PHACTR1: variants seen among roughly 807,000 people sequenced by gnomAD.
PHACTR1 encodes the protein phosphatase and actin regulator 1, also known as RPEL repeat containing 1.
PHACTR1 carries 16 observed loss-of-function variants against 69.2 expected under a neutral mutation model. That is an observed-to-expected ratio of 0.23 (90% CI 0.16 to 0.35). The LOEUF is 0.35. Ranked by LOEUF, PHACTR1 falls within the 10% of genes least tolerant of loss-of-function variation. PHACTR1 has a pLI of 1.00. For missense variants in PHACTR1, 510 were observed against 734.7 expected, an observed-to-expected ratio of 0.69 and a Z score of 3.54; for synonymous variants, 312 against 284.5, an observed-to-expected ratio of 1.10 and a Z score of -0.97.
chr6:12,882,710 C>T (rs546741581), intron 4 of PHACTR1, among the ~76,000 whole-genome samples: 5 of 152,174 alleles, frequency 3.3e-5, no homozygotes, highest in African/African-American at 7.2e-5. Context: ...CAAACCCTAT[C>T]GCCCTTCTGG....
intron 5 of PHACTR1, among the ~76,000 whole-genome samples, chr6:13,117,132 T>C (rs1817936362): frequency 6.6e-6 from 1 of 152,224 alleles, no homozygotes; most frequent in Admixed American, 6.5e-5. Flanking sequence ...AGCCACCATG[T>C]TGTTTCAGAG....
At chr6:12,894,136 C>T (rs1356775244) in intron 4 of PHACTR1, among the ~76,000 whole-genome samples, 1 of 152,212 alleles carries the variant, frequency 6.6e-6, no homozygotes, top group East Asian at 1.9e-4. Context: ...CCTTGCAAAT[C>T]ATTAACTCAT....
At chr6:12,922,473 C>G (rs921381706) in intron 4 of PHACTR1, among the ~76,000 whole-genome samples, 1 of 141,710 alleles carries the variant, frequency 7.1e-6, no homozygotes, top group Non-Finnish European at 1.6e-5. Context: ...CCATCAGCAT[C>G]CATAAAGGAA....
intron 10 of PHACTR1, among the ~76,000 whole-genome samples, chr6:13,234,509 T>C (rs1460603838): frequency 6.6e-6 from 1 of 151,414 alleles, no homozygotes; most frequent in Non-Finnish European, 1.5e-5. Context: ...GCCTGACAGT[T>C]CCAATAACAT....
intron 7 of PHACTR1, among the ~76,000 whole-genome samples, chr6:13,202,481 C>CTTT (rs1164105884): frequency 9.2e-5 from 12 of 129,948 alleles, no homozygotes; most frequent in Admixed American, 1.6e-4. Context: ...TGCACTGAAG[C>CTTT]TTTTTTTTTT....
intron 4 of PHACTR1, among the ~76,000 whole-genome samples, chr6:12,847,970 T>C (rs912141132): frequency 6.6e-6 from 1 of 152,212 alleles, no homozygotes; most frequent in Non-Finnish European, 1.5e-5. Flanking sequence ...ATTTGAACTT[T>C]GATATATCTC....
chr6:12,752,591 CAT>C (rs1226620357), intron 4 of PHACTR1, among the ~76,000 whole-genome samples: 30 of 152,210 alleles, frequency 2.0e-4, no homozygotes, highest in African/African-American at 6.8e-4. Flanking sequence ...TCAAGGAATA[CAT>C]ATACATATAT....
intron 4 of PHACTR1, among the ~76,000 whole-genome samples, chr6:12,802,087 A>ATTT (rs1773766132): frequency 3.4e-5 from 5 of 147,060 alleles, no homozygotes; most frequent in Admixed American, 1.4e-4. Context: ...GCTACATATT[A>ATTT]TATAAAATAA....
rs116523200 is a variant in PHACTR1, at chr6:13,256,668, C to T, written c.1392-16192C>T. ...CTCAAGTTCAAAGTTCCACAGATCC[C>T]TAGGGCAGAGGCACAGTGCAGCCAA... On this transcript the variant is annotated intron_variant, in intron 10 of 14. Coordinates refer to ENST00000332995, the MANE Select transcript of PHACTR1 (RefSeq NM_030948.6). Among the ~76,000 whole-genome samples the T allele has an allele frequency of 2.7e-3, 408 of 152,342 alleles. 1 individual carries two copies. The highest frequency in any genetic ancestry group is 9.2e-3 in the African/African-American group (382 of 41,582).
intron 4 of PHACTR1, among the ~76,000 whole-genome samples, chr6:12,966,343 C>G (rs1793494068): frequency 6.6e-6 from 1 of 152,156 alleles, no homozygotes; most frequent in African/African-American, 2.4e-5. Context: ...CTATTATACC[C>G]ATGTTACAGA....
intron 5 of PHACTR1, among the ~76,000 whole-genome samples, chr6:13,132,074 CTCTCA>C (rs1820556256): frequency 1.3e-5 from 2 of 152,160 alleles, no homozygotes; most frequent in African/African-American, 2.4e-5. Context: ...AAACAATTGA[CTCTCA>C]TCTCAGGCAT....
At chr6:13,160,735 C>T (rs1436659576) in intron 6 of PHACTR1, among the ~76,000 whole-genome samples, 3 of 152,060 alleles carry the variant, frequency 2.0e-5, no homozygotes, top group Non-Finnish European at 1.5e-5. Flanking sequence ...GTCCATCTTG[C>T]CACAATAGAA....
At chr6:13,206,178 T>G in intron 8 of PHACTR1, 42 bp downstream of exon 8, 2 of 1,491,262 alleles carry the variant, frequency 1.3e-6, no homozygotes, top group Non-Finnish European at 1.8e-6. Flanking sequence ...GGAGAGGGGT[T>G]GGCTGGGGAG....
intron 4 of PHACTR1, among the ~76,000 whole-genome samples, chr6:13,025,448 G>A (rs1023461388): frequency 5.3e-5 from 8 of 152,166 alleles, no homozygotes; most frequent in South Asian, 2.1e-4. Flanking sequence ...ACATAGTGCC[G>A]CAGAGTCCTG....
At chr6:12,944,793 T>TATTTATTTA (rs1451484803) in intron 4 of PHACTR1, among the ~76,000 whole-genome samples, 1 of 130,038 alleles carries the variant, frequency 7.7e-6, no homozygotes, top group East Asian at 1.9e-4. Context: ...ATTTATTTTT[T>TATTTATTTA]TTTTTTTGAG....
At chr6:12,743,055 A>G (rs923705431) in intron 3 of PHACTR1, among the ~76,000 whole-genome samples, 1 of 152,190 alleles carries the variant, frequency 6.6e-6, no homozygotes, top group Non-Finnish European at 1.5e-5. Context: ...GCTGATTCCA[A>G]TATGTGCCCA....
intron 3 of PHACTR1, among the ~76,000 whole-genome samples, chr6:12,726,196 CTT>C (rs1264887340): frequency 2.0e-5 from 3 of 152,042 alleles, no homozygotes; most frequent in African/African-American, 4.8e-5. Context: ...AAAAATCAAT[CTT>C]TTAAAATAGA....
At chr6:13,102,563 G>T (rs766884327) in intron 5 of PHACTR1, among the ~76,000 whole-genome samples, 1 of 152,094 alleles carries the variant, frequency 6.6e-6, no homozygotes, top group Non-Finnish European at 1.5e-5. Flanking sequence ...GCATATTTTG[G>T]TGTCAATTTT....
At chr6:12,749,099 C>T (rs1416831657) in intron 3 of PHACTR1, among the ~76,000 whole-genome samples, 3 of 152,264 alleles carry the variant, frequency 2.0e-5, no homozygotes, top group Admixed American at 2.0e-4. Flanking sequence ...GAAGTAGTAA[C>T]TCCACGCACG....
Sources: allele counts gnomAD v4.1 joint callset (sites outside exome capture counted in the v4.1 genomes callset), GRCh38; gene constraint gnomAD v4.1.1; transcripts MANE v1.5; gene names NCBI Gene and HGNC (gene_info 2026-07-23, HGNC 2026-07-21).